Variants in ARHGAP15 observed in about 807,000 individuals in gnomAD.
ARHGAP15 encodes the protein Rho GTPase activating protein 15.
Under a neutral mutation model 63.7 loss-of-function variants are expected in ARHGAP15, and 51 were observed. The observed-to-expected ratio is 0.80, with a 90% CI of 0.64 to 1.01. ARHGAP15 has a LOEUF of 1.01. Among genes scored for constraint, ARHGAP15 ranks in the 50% least tolerant of loss-of-function variants. The pLI, the probability that ARHGAP15 is intolerant of heterozygous loss-of-function variation, is 0.00. For synonymous variants in ARHGAP15, 191 were observed against 193.8 expected, an observed-to-expected ratio of 0.99 and a Z score of 0.12; for missense variants, 560 against 564.6, an observed-to-expected ratio of 0.99 and a Z score of 0.08.
At chr2:143,680,021 T>TAA (rs55927433) in intron 12 of ARHGAP15, among the ~76,000 whole-genome samples, 21 of 101,590 alleles carry the variant, frequency 2.1e-4, no homozygotes, top group African/African-American at 8.5e-4. Context: ...AGTAAATGAT[T>TAA]AAAAAAAAAA....
chr2:143,512,204 A>T (rs924123720), intron 9 of ARHGAP15, among the ~76,000 whole-genome samples: 1 of 152,106 alleles, frequency 6.6e-6, no homozygotes, highest in Non-Finnish European at 1.5e-5. Context: ...AGAAGATCAG[A>T]CTCATATCTT....
intron 6 of ARHGAP15, among the ~76,000 whole-genome samples, chr2:143,385,994 G>A (rs1394774459): frequency 3.9e-5 from 6 of 152,182 alleles, no homozygotes; most frequent in Admixed American, 2.6e-4. Context: ...CCTCTCTGTC[G>A]TTTCTTAGGA....
chr2:143,434,804 G>A lies in ARHGAP15; in HGVS notation c.475-797G>A, dbSNP rs540002871. On this transcript the variant is annotated intron_variant, in intron 6 of 13. Coordinates refer to ENST00000295095, the MANE Select transcript of ARHGAP15 (RefSeq NM_018460.4). Reference sequence around the variant, plus strand: ...AATCAATTTTTTCTCTAAGTTGCCCGTTATGTGTGAAACTAAGAGTATTGC... The same window carrying A: ...AATCAATTTTTTCTCTAAGTTGCCCATTATGTGTGAAACTAAGAGTATTGC... Among the ~76,000 whole-genome samples the A allele has an allele frequency of 5.1e-4, 77 of 152,186 alleles. 1 individual carries two copies. Among genetic ancestry groups the A allele is most frequent in the African/African-American group, 1.6e-3 (67 of 41,568 alleles).
intron 12 of ARHGAP15, among the ~76,000 whole-genome samples, chr2:143,667,739 A>G (rs1008031585): frequency 3.3e-5 from 5 of 152,074 alleles, no homozygotes; most frequent in African/African-American, 1.2e-4. Context: ...CCCACCTGTA[A>G]TCCCAGCACT....
intron 11 of ARHGAP15, among the ~76,000 whole-genome samples, chr2:143,601,250 A>G (rs2105192280): frequency 6.6e-6 from 1 of 152,300 alleles, no homozygotes; most frequent in Non-Finnish European, 1.5e-5. Context: ...GATTCAAAAT[A>G]TAATGTTTTA....
chr2:143,196,234 G>A lies in ARHGAP15; in HGVS notation c.166-5900G>A, dbSNP rs886512205. On this transcript the variant is annotated intron_variant, in intron 2 of 13. Coordinates refer to ENST00000295095, the MANE Select transcript of ARHGAP15 (RefSeq NM_018460.4). ...AGAAAGGGAGAGAGTGGTGGGTGGTGATAAATAAGGAAAAACACAGATTTT... is the reference window on the plus strand; with the variant it reads ...AGAAAGGGAGAGAGTGGTGGGTGGTAATAAATAAGGAAAAACACAGATTTT... Among the ~76,000 whole-genome samples the A allele has an allele frequency of 8.5e-5, 13 of 152,072 alleles. 1 individual carries two copies. The highest frequency in any genetic ancestry group is 5.2e-4 in the Admixed American group (8 of 15,254).
chr2:143,394,728 T>C (rs1326863034), intron 6 of ARHGAP15, among the ~76,000 whole-genome samples: 4 of 152,188 alleles, frequency 2.6e-5, no homozygotes, highest in African/African-American at 9.6e-5. Flanking sequence ...AATCATCCCA[T>C]ACACTTCAAT....
chr2:143,175,613 G>A (rs1690982638), intron 2 of ARHGAP15, among the ~76,000 whole-genome samples: 1 of 152,058 alleles, frequency 6.6e-6, no homozygotes, highest in African/African-American at 2.4e-5. Flanking sequence ...AAAAGTAGTG[G>A]GGATACTCAC....
chr2:143,458,494 A>G (rs932919424), intron 8 of ARHGAP15, among the ~76,000 whole-genome samples: 1 of 152,134 alleles, frequency 6.6e-6, no homozygotes. Flanking sequence ...TTCAGAGACC[A>G]TTTAAAGGGA....
At chr2:143,733,105 A>G (rs543240137) in intron 13 of ARHGAP15, among the ~76,000 whole-genome samples, 1 of 152,148 alleles carries the variant, frequency 6.6e-6, no homozygotes, top group African/African-American at 2.4e-5. Context: ...AGGAGCAGTA[A>G]TGTTGAGGCA....
intron 6 of ARHGAP15, among the ~76,000 whole-genome samples, chr2:143,306,170 A>G (rs74747785): frequency 0.01 from 1,591 of 152,274 alleles, 9 homozygotes; most frequent in Non-Finnish European, 0.017. Flanking sequence ...CATCTCTTCA[A>G]ATGAAAATAC....
chr2:143,636,903 A>G (rs963229751), intron 12 of ARHGAP15, among the ~76,000 whole-genome samples: 2 of 152,140 alleles, frequency 1.3e-5, no homozygotes, highest in African/African-American at 2.4e-5. Flanking sequence ...GAAGTCCAAG[A>G]TGAGGGCACC....
intron 6 of ARHGAP15, among the ~76,000 whole-genome samples, chr2:143,312,259 A>C (rs1428597008): frequency 6.6e-6 from 1 of 152,186 alleles, no homozygotes; most frequent in Non-Finnish European, 1.5e-5. Context: ...GCATGGTAGC[A>C]GCAGATATTT....
At chr2:143,662,794 CA>C (rs1681898841) in intron 12 of ARHGAP15, among the ~76,000 whole-genome samples, 1 of 109,858 alleles carries the variant, frequency 9.1e-6, no homozygotes, top group African/African-American at 3.3e-5. Context: ...CCGATGCGAT[CA>C]ACTGGAAGAA....
chr2:143,505,023 A>G (rs1693245258), intron 9 of ARHGAP15, among the ~76,000 whole-genome samples: 1 of 152,158 alleles, frequency 6.6e-6, no homozygotes, highest in Non-Finnish European at 1.5e-5. Context: ...TGAATCTCAC[A>G]AGGTGAGAGA....
chr2:143,622,527 T>A, intron 11 of ARHGAP15, among the ~76,000 whole-genome samples: 1 of 152,086 alleles, frequency 6.6e-6, no homozygotes, highest in Non-Finnish European at 1.5e-5. Context: ...ATTTCAATAG[T>A]GTGTAGCCAA....
At chr2:143,643,427 A>ACCC (rs10540732) in intron 12 of ARHGAP15, among the ~76,000 whole-genome samples, 15 of 128,332 alleles carry the variant, frequency 1.2e-4, no homozygotes, top group Admixed American at 2.4e-4. Flanking sequence ...CCCTCCACCC[A>ACCC]CCCCCCCCCA....
At chr2:143,405,180 A>G (rs1688146961) in intron 6 of ARHGAP15, among the ~76,000 whole-genome samples, 1 of 151,964 alleles carries the variant, frequency 6.6e-6, no homozygotes, top group Non-Finnish European at 1.5e-5. Flanking sequence ...GATAGGAGAA[A>G]GCATTTTATG....
intron 6 of ARHGAP15, chr2:143,305,518 G>T (rs886717580): frequency 3.9e-5 from 6 of 151,948 alleles, no homozygotes; most frequent in Non-Finnish European, 8.8e-5. Flanking sequence ...AGTTTTATGG[G>T]TGCTTCATCA....
Sources: gnomAD v4.1 joint callset for allele counts (sites outside exome capture counted in the v4.1 genomes callset) on GRCh38, gnomAD v4.1.1 for gene constraint, MANE v1.5 for transcripts, NCBI Gene and HGNC (gene_info 2026-07-23, HGNC 2026-07-21) for gene names.